Variants in MAP4K4 observed in about 807,000 individuals in gnomAD.
MAP4K4 encodes the protein mitogen-activated protein kinase kinase kinase kinase 4, also known as HPK/GCK-like kinase HGK.
Under a neutral mutation model 189.6 loss-of-function variants are expected in MAP4K4, and 38 were observed. That is an observed-to-expected ratio of 0.20 (90% confidence interval 0.15 to 0.26). MAP4K4 has a LOEUF of 0.26. Among genes scored for constraint, MAP4K4 ranks in the 10% least tolerant of loss-of-function variants. The pLI is 1.00. For synonymous variants in MAP4K4, 610 were observed against 624.3 expected, an observed-to-expected ratio of 0.98 and a Z score of 0.34; for missense variants, 1,054 against 1,726.9, an observed-to-expected ratio of 0.61 and a Z score of 6.91.
intron 2 of MAP4K4, among the ~76,000 whole-genome samples, chr2:101,711,316 T>C (rs2045411483): frequency 6.6e-6 from 1 of 152,120 alleles, no homozygotes; most frequent in Admixed American, 6.5e-5. Context: ...TTTGCTTTTT[T>C]TTTTAAGACA....
intron 2 of MAP4K4, among the ~76,000 whole-genome samples, chr2:101,704,202 T>C (rs1423813868): frequency 6.6e-6 from 1 of 152,100 alleles, no homozygotes; most frequent in Non-Finnish European, 1.5e-5. Context: ...TGTCAGCTGA[T>C]CTGCCACTGA....
intron 4 of MAP4K4, 26 bp from the exon 5 acceptor site, chr2:101,825,293 C>T: frequency 6.9e-7 from 1 of 1,453,224 alleles, no homozygotes; most frequent in Non-Finnish European, 9.6e-7. Flanking sequence ...ATATGTTGCT[C>T]ACCTTGTGTC....
chr2:101,782,374 C>G (rs770419194), intron 2 of MAP4K4, among the ~76,000 whole-genome samples: 2 of 152,144 alleles, frequency 1.3e-5, no homozygotes, highest in Non-Finnish European at 2.9e-5. Context: ...GATAAGGTAG[C>G]TGCGACCTAA....
At chr2:101,741,942 G>A (rs193048846) in intron 2 of MAP4K4, among the ~76,000 whole-genome samples, 1 of 152,324 alleles carries the variant, frequency 6.6e-6, no homozygotes, top group Non-Finnish European at 1.5e-5. Context: ...GGAATGCCAC[G>A]CTGCTGTGCT....
chr2:101,834,343 C>A, intron 7 of MAP4K4, 66 bp from the exon 8 acceptor site: 1 of 1,213,958 alleles, frequency 8.2e-7, no homozygotes, highest in Non-Finnish European at 1.2e-6. Flanking sequence ...TGTGAATACC[C>A]AGACATGTAA....
At chr2:101,714,235 A>G (rs1038481061) in intron 2 of MAP4K4, among the ~76,000 whole-genome samples, 3 of 152,206 alleles carry the variant, frequency 2.0e-5, no homozygotes, top group African/African-American at 7.2e-5. Flanking sequence ...CTATTTATTA[A>G]ATGTTAGTAA....
chr2:101,797,888 A>ATTTTTTTTTTTTTTTTTTTTTTTTTT, intron 3 of MAP4K4, among the ~76,000 whole-genome samples: 1 of 7,618 alleles, frequency 1.3e-4, no homozygotes, highest in Middle Eastern at 0.045. Context: ...ACATTCTTTT[A>ATTTTTTTTTTTTTTTTTTTTTTTTTT]GTTTTTTTTT....
chr2:101,827,879 A>G (rs181303861), intron 5 of MAP4K4, among the ~76,000 whole-genome samples: 1 of 152,348 alleles, frequency 6.6e-6, no homozygotes, highest in East Asian at 1.9e-4. Context: ...TTCCTAGTTC[A>G]GAAACACTGA....
At chr2:101,843,318 C>T (rs79329894) in intron 11 of MAP4K4, among the ~76,000 whole-genome samples, 10,266 of 152,128 alleles carry the variant, frequency 0.067, 452 homozygotes, top group African/African-American at 0.12. Context: ...TGTGGGGAGC[C>T]GTGTGCCAGA....
intron 2 of MAP4K4, among the ~76,000 whole-genome samples, chr2:101,714,512 T>C (rs2149354023): frequency 6.6e-6 from 1 of 152,352 alleles, no homozygotes; most frequent in African/African-American, 2.4e-5. Context: ...AATTATGTTA[T>C]ATAACTAATC....
chr2:101,776,268 A>G (rs2150439925), intron 2 of MAP4K4, among the ~76,000 whole-genome samples: 1 of 152,254 alleles, frequency 6.6e-6, no homozygotes, highest in East Asian at 1.9e-4. Context: ...CCTCCCAGGG[A>G]CTGATGGTCA....
At chr2:101,727,265 A>G (rs2055959892) in intron 2 of MAP4K4, among the ~76,000 whole-genome samples, 2 of 152,244 alleles carry the variant, frequency 1.3e-5, no homozygotes. Flanking sequence ...CAGTGAAAAC[A>G]CTTAGCATTT....
intron 28 of MAP4K4, among the ~76,000 whole-genome samples, chr2:101,884,774 G>C (rs140643625): frequency 9.3e-4 from 141 of 152,254 alleles, no homozygotes; most frequent in African/African-American, 3.3e-3. Flanking sequence ...TCCTCAGTCT[G>C]TGTGAGCCCC....
intron 3 of MAP4K4, among the ~76,000 whole-genome samples, chr2:101,820,417 A>G (rs1328633776): frequency 6.6e-6 from 1 of 152,166 alleles, no homozygotes; most frequent in African/African-American, 2.4e-5. Flanking sequence ...TAAAATAAAT[A>G]TTTTGATTTT....
chr2:101,750,549 T>C (rs1012946077), intron 2 of MAP4K4, among the ~76,000 whole-genome samples: 8 of 148,736 alleles, frequency 5.4e-5, no homozygotes, highest in African/African-American at 1.7e-4. Context: ...TTGGGAGATA[T>C]ACCTAATGCT....
chr2:101,750,422 A>G (rs957326955), intron 2 of MAP4K4, among the ~76,000 whole-genome samples: 2 of 146,114 alleles, frequency 1.4e-5, no homozygotes, highest in Non-Finnish European at 3.0e-5. Flanking sequence ...AAAAAACCAA[A>G]CACCGCATAT....
exon 2 of MAP4K4, chr2:101,698,520 C>G: frequency 6.2e-7 from 1 of 1,613,816 alleles, no homozygotes; most frequent in Non-Finnish European, 8.5e-7. Context: ...GAAATGGCAC[C>G]TATGGACAAG....
chr2:101,846,294 A>G (rs1214253366), intron 12 of MAP4K4, among the ~76,000 whole-genome samples: 1 of 152,242 alleles, frequency 6.6e-6, no homozygotes, highest in Non-Finnish European at 1.5e-5. Context: ...TTACTATATT[A>G]GAATGCTTGA....
chr2:101,825,501 A>C (rs2149352593), intron 5 of MAP4K4, 72 bp downstream of exon 5: 2 of 953,348 alleles, frequency 2.1e-6, no homozygotes, highest in East Asian at 5.2e-5. Context: ...CCCAGCCCCA[A>C]GTACTTCTTT....
Sources: allele counts gnomAD v4.1 joint callset (sites outside exome capture counted in the v4.1 genomes callset), GRCh38; gene constraint gnomAD v4.1.1; transcripts MANE v1.5; gene names NCBI Gene and HGNC (gene_info 2026-07-23, HGNC 2026-07-21).